The following RGS22 variants were observed in gnomAD, a reference collection of about 807,000 sequenced individuals.
The protein encoded by RGS22 is regulator of G-protein signaling 22.
A neutral mutation model predicts 172.9 loss-of-function variants in RGS22; 148 were observed. The observed-to-expected ratio is 0.86, with a 90% CI of 0.75 to 0.98. RGS22 has a LOEUF of 0.98. Among genes scored for constraint, RGS22 ranks in the 50% least tolerant of loss-of-function variants. RGS22 has a pLI of 0.00. For missense variants in RGS22, 1,347 were observed against 1,440.8 expected (o/e 0.93, Z 1.05); for synonymous variants, 458 against 480.2 (o/e 0.95, Z 0.60).
chr8:100,087,573 T>TA (rs1263222159), intron 3 of RGS22, among the ~76,000 whole-genome samples: 2 of 152,146 alleles, frequency 1.3e-5, no homozygotes, highest in Admixed American at 1.3e-4. Flanking sequence ...CAGTGAAACT[T>TA]ACCGGGTGCC....
intron 3 of RGS22, among the ~76,000 whole-genome samples, chr8:100,087,037 C>T (rs1812218790): frequency 6.6e-6 from 1 of 152,040 alleles, no homozygotes. Flanking sequence ...TCATTAGTAC[C>T]CAAATTCCTG....
Position 100,006,119 on chromosome 8 carries a change from A to T in RGS22, c.2362-10T>A, listed in dbSNP as rs774905087. On this transcript the variant is annotated splice_polypyrimidine_tract_variant and intron_variant, in intron 15 of 27. Coordinates refer to ENST00000360863, the MANE Select transcript of RGS22 (RefSeq NM_015668.5). ...CTTCCACCAGCTCCACCTAAAAAAA[A>T]TAAATAAAGCTTGTGACATCAAGAG... The T allele has an allele frequency of 2.4e-5, 38 of 1,604,192 alleles. No individual in the cohort carries two copies. The highest frequency in any genetic ancestry group is 6.0e-6 in the Non-Finnish European group (7 of 1,173,136).
At chr8:100,018,638 A>C (rs1817272494) in intron 14 of RGS22, among the ~76,000 whole-genome samples, 1 of 152,176 alleles carries the variant, frequency 6.6e-6, no homozygotes, top group Non-Finnish European at 1.5e-5. Flanking sequence ...ATTAGAGACA[A>C]TATCCTCTAT....
In RGS22 at chr8:99,962,441, A is replaced by G. The variant is rs139157188; in HGVS notation, c.3793T>C (p.Ter1265ArgextTer34). The G allele has an allele frequency of 2.5e-4, 404 of 1,613,622 alleles. 1 individual carries two copies. In the East Asian group the frequency reaches 7.6e-3, roughly 30 times the overall value. ...TGTAAACATTCACAAGAATGCTGTCACTCTGGAAAAGACATGAAGTTTTAT... is the reference window on the plus strand; with the variant it reads ...TGTAAACATTCACAAGAATGCTGTCGCTCTGGAAAAGACATGAAGTTTTAT... ...KNMSAHSSQK[*>R] Residue 1265 changes from the stop codon to arginine, a stop_lost and splice_region_variant, in exon 27 of 28, where the codon TGA (stop) becomes CGA (arginine). Transcript: ENST00000360863.
chr8:99,981,349 A>G (rs1246923892), intron 22 of RGS22, among the ~76,000 whole-genome samples: 3 of 152,192 alleles, frequency 2.0e-5, no homozygotes, highest in African/African-American at 7.2e-5. Flanking sequence ...AGCTATGTGA[A>G]TATTCCAATC....
chr8:100,047,969 G>C (rs377511837), intron 10 of RGS22, among the ~76,000 whole-genome samples: 1 of 151,934 alleles, frequency 6.6e-6, no homozygotes, highest in African/African-American at 2.4e-5. Context: ...TACTGGGGGG[G>C]GGTGCGGGTG....
chr8:100,081,909 CTTTTT>C (rs201340859), intron 3 of RGS22, among the ~76,000 whole-genome samples: 3 of 125,356 alleles, frequency 2.4e-5, no homozygotes. Flanking sequence ...TATTGTTTTC[CTTTTT>C]TTTTTTTTTT....
At chr8:100,060,399 C>T (rs1315664345) in intron 9 of RGS22, among the ~76,000 whole-genome samples, 4 of 68,212 alleles carry the variant, frequency 5.9e-5, no homozygotes, top group East Asian at 5.1e-4. Flanking sequence ...ACTTTAGCTA[C>T]GTGTATATAT....
chr8:100,002,117 A>T, intron 18 of RGS22, 85 bp downstream of exon 18: 1 of 1,027,462 alleles, frequency 9.7e-7, no homozygotes, highest in Non-Finnish European at 1.4e-6. Context: ...AAATAAAATA[A>T]GAGACTTTCA....
Position 100,008,605 on chromosome 8 carries a change from A to C in RGS22, c.2167-36T>G, listed in dbSNP as rs1341692754. 4 of 1,532,924 alleles carry C rather than the reference A, an allele frequency of 2.6e-6. No individual in the cohort carries two copies. The African/African-American group carries it at 5.6e-5, about 21-fold the overall frequency. The allele number at this position is 1,532,924 out of a possible 1,614,324, so 95.0% of individuals were successfully genotyped here. The stretch of plus-strand genomic sequence containing the variant: ...AGAGGGAAGAAGGGAGAAGATGTTA[A>C]GAGAAGCCACAATGGTTAGCAGACA... On this transcript the variant is annotated intron_variant, in intron 14 of 27. Transcript: ENST00000360863.
intron 14 of RGS22, among the ~76,000 whole-genome samples, chr8:100,032,653 T>C (rs531454324): frequency 6.6e-6 from 1 of 152,340 alleles, no homozygotes; most frequent in South Asian, 2.1e-4. Context: ...AACTCAGCTC[T>C]GCACTAAGTG....
intron 17 of RGS22, chr8:100,002,999 G>A: frequency 6.5e-6 from 1 of 153,320 alleles, no homozygotes; most frequent in East Asian, 1.9e-4. Flanking sequence ...GACGGAGCCT[G>A]CAGTGAGCTA....
intron 22 of RGS22, 81 bp from the exon 23 acceptor site, chr8:99,978,156 T>A: frequency 1.3e-6 from 1 of 773,422 alleles, no homozygotes; most frequent in Non-Finnish European, 1.9e-6. Context: ...ACAGATTAAC[T>A]ATTATATCTT....
intron 23 of RGS22, among the ~76,000 whole-genome samples, chr8:99,970,614 A>G (rs951369896): frequency 5.3e-5 from 8 of 152,240 alleles, no homozygotes; most frequent in Non-Finnish European, 8.8e-5. Flanking sequence ...TATGCAAATA[A>G]ACTAGAAATT....
In RGS22 at chr8:100,073,914, G is replaced by A. The variant is rs903198913; in HGVS notation, c.340-1684C>T. Among the ~76,000 whole-genome samples, 2 of 152,000 alleles carry A rather than the reference G, an allele frequency of 1.3e-5. 1 individual carries two copies. The highest frequency in any genetic ancestry group is 2.9e-5 in the Non-Finnish European group (2 of 67,986). On this transcript the variant is annotated intron_variant, in intron 4 of 27. Transcript: ENST00000360863. ...TTGAAGAAAAGTCTTTAGCCAAGCT[G>A]AAAACAAAACTCTTCATGGTTTTAA...
At chr8:99,964,917 G>C (rs946936137) in intron 24 of RGS22, among the ~76,000 whole-genome samples, 3 of 152,176 alleles carry the variant, frequency 2.0e-5, no homozygotes, top group African/African-American at 4.8e-5. Flanking sequence ...TGTATTGGTG[G>C]ATGGTCATGT....
chr8:100,062,566 A>G, intron 9 of RGS22, 25 bp downstream of exon 9: 1 of 1,499,140 alleles, frequency 6.7e-7, no homozygotes. Flanking sequence ...AAGTGAAAGT[A>G]AGTAACTGAT....
At position 100,044,253 on chromosome 8, in the gene RGS22, C is replaced by T. The variant is rs147878996; in HGVS notation, c.1824-2337G>A. Among the ~76,000 whole-genome samples, 8 of 152,098 alleles carry T rather than the reference C, an allele frequency of 5.3e-5. No homozygotes were observed. In the East Asian group the frequency reaches 1.2e-3, roughly 22 times the overall value. On this transcript the variant is annotated intron_variant, in intron 11 of 27. Transcript: ENST00000360863. ...GCTCATTCTGGTTTTTTTGTTTGTT[C>T]GTTTGTTTGTTTTTTGAGAGCCTCA...
rs1362690899 is a variant in RGS22, at chr8:100,048,493, T to C, written c.1690-897A>G. 2.0e-5 allele frequency among the ~76,000 whole-genome samples: 3 copies of C among 152,260 alleles called. No homozygotes were observed. The East Asian group carries it at 5.8e-4, about 29-fold the overall frequency. On this transcript the variant is annotated intron_variant, in intron 10 of 27. Coordinates refer to ENST00000360863, the MANE Select transcript of RGS22 (RefSeq NM_015668.5). ...ACTTTTCTAATACGTCAACTTCCATTAGAATACTATATACATTGCAAGAAA... is the reference window on the plus strand; with the variant it reads ...ACTTTTCTAATACGTCAACTTCCATCAGAATACTATATACATTGCAAGAAA...
Sources: allele counts gnomAD v4.1 joint callset (sites outside exome capture counted in the v4.1 genomes callset), GRCh38; gene constraint gnomAD v4.1.1; transcripts MANE v1.5; gene names NCBI Gene and HGNC (gene_info 2026-07-23, HGNC 2026-07-21).